The following ZNF268 variants were observed in gnomAD, a reference collection of about 807,000 sequenced individuals.
ZNF268 encodes zinc finger protein 3.
Under a neutral mutation model 29.3 loss-of-function variants are expected in ZNF268, and 20 were observed. That is an observed-to-expected ratio of 0.68 (90% confidence interval 0.48 to 0.99). ZNF268 has a LOEUF of 0.99. Among genes scored for constraint, ZNF268 ranks in the 50% least tolerant of loss-of-function variants. The pLI, the probability that ZNF268 is intolerant of heterozygous loss-of-function variation, is 0.00. For missense variants in ZNF268, 1,240 were observed against 1,121.6 expected, an observed-to-expected ratio of 1.11 and a Z score of -1.51; for synonymous variants, 429 against 376.9, an observed-to-expected ratio of 1.14 and a Z score of -1.60.
rs1491216644 is a variant in ZNF268, at chr12:133,205,174, C to CAAAAAAAAAAAAA, written c.*644_*645insAAAAAAAAAAAAA. The CAAAAAAAAAAAAA allele has an allele frequency of 5.5e-5, 2 of 36,226 alleles. No homozygotes were observed. The highest frequency in any genetic ancestry group is 1.4e-4 in the Non-Finnish European group (2 of 14,576). The allele number at this position is 36,226 out of a possible 1,614,324, so 2.2% of individuals were successfully genotyped here. The stretch of plus-strand genomic sequence containing the variant: ...AAAAAAAAAAAAAAAAAAAAAAAAA[C>CAAAAAAAAAAAAA]CAACCTGTTATTATATCTTAATATT... On this transcript the variant is annotated 3_prime_UTR_variant, in exon 6 of 6. Transcript: ENST00000536435.
rs1593933739 is a variant in ZNF268, at chr12:133,204,643, T to C, written c.*113T>C. On this transcript the variant is annotated 3_prime_UTR_variant, in exon 6 of 6. Coordinates refer to ENST00000536435, the MANE Select transcript of ZNF268 (RefSeq NM_003415.3). ...CATCTTCCAGAAAACTCATACTGAATAGAAACTTTATGAATGCACAGCATA... is the reference window on the plus strand; with the variant it reads ...CATCTTCCAGAAAACTCATACTGAACAGAAACTTTATGAATGCACAGCATA... 3 of 797,648 alleles carry C rather than the reference T, an allele frequency of 3.8e-6. No individual in the cohort carries two copies. The highest frequency in any genetic ancestry group is 4.1e-5 in the South Asian group (2 of 48,628). 49.4% of individuals were successfully genotyped at this position (797,648 alleles called of 1,614,324 possible).
At chr12:133,187,735 C>CCTGAAGT in intron 2 of ZNF268, 137 bp from the exon 3 acceptor site, 1 of 835,748 alleles carries the variant, frequency 1.2e-6, no homozygotes, top group East Asian at 2.7e-5. Flanking sequence ...TTTTCTGCCT[C>CCTGAAGT]TAACCCTGCA....
rs971232466 is a variant in ZNF268 at position 133,208,375 on chromosome 12, A to C, written c.*3845A>C. On this transcript the variant is annotated 3_prime_UTR_variant, in exon 6 of 6. Coordinates refer to ENST00000536435, the MANE Select transcript of ZNF268 (RefSeq NM_003415.3). ...GCCAGGTGTGGTGGCACGTGCCTGT[A>C]ATCCCATCTACTCGGGAGGCTGAGG... 3 of 152,272 alleles carry C rather than the reference A, an allele frequency of 2.0e-5. No homozygotes were observed. Among genetic ancestry groups the C allele is most frequent in the African/African-American group, 7.2e-5 (3 of 41,452 alleles). The allele number at this position is 152,272 out of a possible 1,614,324, so 9.4% of individuals were successfully genotyped here. A position where few individuals can be genotyped will look rare whatever the true frequency, so the allele number is the denominator to read the frequency against.
At chr12:133,196,994 T>A (rs898235245) in intron 5 of ZNF268, among the ~76,000 whole-genome samples, 8 of 151,558 alleles carry the variant, frequency 5.3e-5, no homozygotes, top group African/African-American at 1.9e-4. Flanking sequence ...TTAATAAATT[T>A]TATTTTCCAG....
chr12:133,201,376 T>C (rs1341150562), intron 5 of ZNF268, among the ~76,000 whole-genome samples: 1 of 152,054 alleles, frequency 6.6e-6, no homozygotes, highest in Non-Finnish European at 1.5e-5. Flanking sequence ...TCCTCTGTCA[T>C]TTCTTTTCTT....
At position 133,205,565 on chromosome 12, in the gene ZNF268, GTTTC is replaced by G. The variant is rs1211321964; in HGVS notation, c.*1039_*1042del. The G allele has an allele frequency of 1.3e-5, 2 of 152,180 alleles. No individual in the cohort carries two copies. Among genetic ancestry groups the G allele is most frequent in the South Asian group, 2.1e-4 (1 of 4,828 alleles). The allele number at this position is 152,180 out of a possible 1,614,324, so 9.4% of individuals were successfully genotyped here. A position where few individuals can be genotyped will look rare whatever the true frequency, so the allele number is the denominator to read the frequency against. ...GATTTCTACTCTGCATACCAACATT[GTTTC>G]TTTGTGTCTTACCAAATGCAACTTG... On this transcript the variant is annotated 3_prime_UTR_variant, in exon 6 of 6. Coordinates refer to ENST00000536435, the MANE Select transcript of ZNF268 (RefSeq NM_003415.3).
At position 133,202,769 on chromosome 12, in the gene ZNF268, G is replaced by A. The variant is rs748258628; in HGVS notation, c.1083G>A (p.Glu361=). 5.2e-5 allele frequency: 83 copies of A among 1,610,942 alleles called. No individual in the cohort carries two copies. The Admixed American group carries it at 1.4e-3, about 27-fold the overall frequency. ...TTCACACAGGTGAGAATCCCTATGA[G>A]TGCTGTGAATGTGGGAAAGTCTTCA... The part of the protein sequence containing the change: ...QRIHTGENPY[E]CCECGKVFSR... Residue 361 remains glutamate (E), a synonymous_variant, in exon 6 of 6, where the codon GAG becomes GAA. Coordinates refer to ENST00000536435, the MANE Select transcript of ZNF268 (RefSeq NM_003415.3).
At chr12:133,183,629 G>C (rs1489931018) in intron 2 of ZNF268, among the ~76,000 whole-genome samples, 1 of 152,196 alleles carries the variant, frequency 6.6e-6, no homozygotes, top group Non-Finnish European at 1.5e-5. Flanking sequence ...GCCTGGTTGG[G>C]AGTGTCACCA....
chr12:133,203,966 C>T lies in ZNF268; in HGVS notation c.2280C>T (p.Ala760=). ...ATGAATGCAGTGAATGTGGGAAAGC[C>T]TTTAATAGGAAAGACCAGCTCATTT... ...NPYECSECGK[A]FNRKDQLISH... is the part of the protein sequence containing the mutation. The change falls in exon 6 of 6, where the codon GCC becomes GCT. Residue 760 remains alanine (A), a synonymous_variant. Transcript: ENST00000536435. The T allele has an allele frequency of 1.3e-6, 2 of 1,592,820 alleles. No individual in the cohort carries two copies. Among genetic ancestry groups the T allele is most frequent in the Non-Finnish European group, 8.5e-7 (1 of 1,171,584 alleles).
At chr12:133,196,023 T>TAA (rs760775058) in intron 5 of ZNF268, among the ~76,000 whole-genome samples, 9 of 120,376 alleles carry the variant, frequency 7.5e-5, no homozygotes, top group African/African-American at 2.4e-4. Context: ...CCTGTCTCTT[T>TAA]AAAAAAAAAA....
At position 133,205,166 on chromosome 12, in the gene ZNF268, A is replaced by AAG. The variant is rs1956873400; in HGVS notation, c.*637_*638insGA. The AAG allele has an allele frequency of 2.1e-5, 3 of 142,346 alleles. No homozygotes were observed. Among genetic ancestry groups the AAG allele is most frequent in the African/African-American group, 7.8e-5 (3 of 38,474 alleles). 8.8% of individuals were successfully genotyped at this position (142,346 alleles called of 1,614,324 possible). On this transcript the variant is annotated 3_prime_UTR_variant, in exon 6 of 6. Coordinates refer to ENST00000536435, the MANE Select transcript of ZNF268 (RefSeq NM_003415.3). ...TTCTAAAAAAAAAAAAAAAAAAAAA[A>AAG]AAAAAAACCAACCTGTTATTATATC... is the stretch of plus-strand genomic sequence containing the variant.
At position 133,204,363 on chromosome 12, in the gene ZNF268, G is replaced by A; in HGVS notation, c.2677G>A (p.Gly893Arg). Reference sequence around the variant, plus strand: ...AACTCATTCAGGAGAGAAACCCTATGGGTGCAATGAATGTGGGAAAACCTT... The same window carrying A: ...AACTCATTCAGGAGAGAAACCCTATAGGTGCAATGAATGTGGGAAAACCTT... ...QRTHSGEKPY[G>R]CNECGKTFSQ... The change falls in exon 6 of 6, where the codon GGG becomes AGG. Residue 893 changes from glycine to arginine, a missense_variant. By Grantham distance (125) the Gly-to-Arg change is moderately radical. Coordinates refer to ENST00000536435, the MANE Select transcript of ZNF268 (RefSeq NM_003415.3). 6.4e-7 allele frequency: 1 copy of A among 1,570,806 alleles called. No homozygotes were observed. The highest frequency in any genetic ancestry group is 8.6e-7 in the Non-Finnish European group (1 of 1,162,172).
chr12:133,194,363 C>T (rs1320578369), intron 5 of ZNF268, among the ~76,000 whole-genome samples: 1 of 152,170 alleles, frequency 6.6e-6, no homozygotes, highest in Non-Finnish European at 1.5e-5. Flanking sequence ...GCTCCAGGAT[C>T]AACTAAGTGA....
intron 2 of ZNF268, among the ~76,000 whole-genome samples, chr12:133,184,136 T>A (rs1439947725): frequency 6.6e-6 from 1 of 152,022 alleles, no homozygotes; most frequent in Non-Finnish European, 1.5e-5. Context: ...GGAGACAGTC[T>A]CTCTCTGTCC....
rs1485476350 is a variant in ZNF268 at position 133,204,838 on chromosome 12, CTAAAA to C, written c.*312_*316del. 7.8e-6 allele frequency: 2 copies of C among 255,884 alleles called. No individual in the cohort carries two copies. The highest frequency in any genetic ancestry group is 1.5e-5 in the Non-Finnish European group (2 of 135,762). The allele number at this position is 255,884 out of a possible 1,614,324, so 15.9% of individuals were successfully genotyped here. A position where few individuals can be genotyped will look rare whatever the true frequency, so the allele number is the denominator to read the frequency against. ...TGTTAAACGTTGTAAAGTCATTTTA[CTAAAA>C]TAAGATTCACAAAGAGGAAACTTCA... On this transcript the variant is annotated 3_prime_UTR_variant, in exon 6 of 6. Transcript: ENST00000536435.
In ZNF268 at chr12:133,202,717, A is replaced by G. The variant is rs756564904; in HGVS notation, c.1031A>G (p.His344Arg). 7 of 1,611,736 alleles carry G rather than the reference A, an allele frequency of 4.3e-6. No individual in the cohort carries two copies. In the East Asian group the frequency reaches 1.6e-4, roughly 36 times the overall value. ...GAATGCAGGAAAACATTCAGTTTCCATTCACAGCTTGTTATACATCAGAGA... is the reference window on the plus strand; with the variant it reads ...GAATGCAGGAAAACATTCAGTTTCCGTTCACAGCTTGTTATACATCAGAGA... Reference protein sequence around the residue: ...CSECRKTFSFHSQLVIHQRIH... With the variant: ...CSECRKTFSFRSQLVIHQRIH... Residue 344 changes from histidine to arginine, a missense_variant, in exon 6 of 6, where the codon CAT becomes CGT. Coordinates refer to ENST00000536435, the MANE Select transcript of ZNF268 (RefSeq NM_003415.3).
chr12:133,192,036 T>C (rs761961430), intron 5 of ZNF268, 33 bp downstream of exon 5: 8 of 1,554,260 alleles, frequency 5.1e-6, no homozygotes, highest in Non-Finnish European at 7.1e-6. Context: ...TTCTTCTTTA[T>C]TTAGAATTAG....
chr12:133,204,814 G>A lies in ZNF268; in HGVS notation c.*284G>A. ...AAAGTTCATACAGGTGAGGAACCATGTTAAACGTTGTAAAGTCATTTTACT... is the reference window on the plus strand; with the variant it reads ...AAAGTTCATACAGGTGAGGAACCATATTAAACGTTGTAAAGTCATTTTACT... On this transcript the variant is annotated 3_prime_UTR_variant, in exon 6 of 6. Coordinates refer to ENST00000536435, the MANE Select transcript of ZNF268 (RefSeq NM_003415.3). 1 of 294,652 alleles carries A rather than the reference G, an allele frequency of 3.4e-6. No homozygotes were observed. The highest frequency in any genetic ancestry group is 6.3e-6 in the Non-Finnish European group (1 of 159,948). 18.3% of individuals were successfully genotyped at this position (294,652 alleles called of 1,614,324 possible). A position where few individuals can be genotyped will look rare whatever the true frequency, so the allele number is the denominator to read the frequency against.
At chr12:133,196,871 G>A (rs1008445893) in intron 5 of ZNF268, among the ~76,000 whole-genome samples, 2 of 152,120 alleles carry the variant, frequency 1.3e-5, no homozygotes, top group Admixed American at 1.3e-4. Context: ...AAATGAATAA[G>A]AGGGATCAGA....
Sources: allele counts gnomAD v4.1 joint callset (sites outside exome capture counted in the v4.1 genomes callset), GRCh38; gene constraint gnomAD v4.1.1; transcripts MANE v1.5; gene names NCBI Gene and HGNC (gene_info 2026-07-23, HGNC 2026-07-21).